The following ZNF782 variants were observed in gnomAD, a reference collection of about 807,000 sequenced individuals.
ZNF782 encodes the protein zinc finger protein 782.
In ZNF782, 12 loss-of-function variants were observed where a neutral mutation model predicts 13.0. The observed-to-expected ratio is 0.92, with a 90% CI of 0.59 to 1.50. ZNF782 has a LOEUF of 1.50. Ranked by LOEUF, ZNF782 falls within the 40% of genes most tolerant of loss-of-function variation. The pLI is 0.00. For synonymous variants in ZNF782, 284 were observed against 283.0 expected (o/e 1.00, Z -0.04); for missense variants, 770 against 822.9 (o/e 0.94, Z 0.79).
chr9:96,835,221 A>G, intron 4 of ZNF782, among the ~76,000 whole-genome samples: 1 of 152,210 alleles, frequency 6.6e-6, no homozygotes. Context: ...GGTTACTTTT[A>G]ACAGCTTATG....
intron 1 of ZNF782, 123 bp downstream of exon 1, chr9:96,853,965 A>G (rs1851581856): frequency 6.6e-6 from 1 of 152,268 alleles, no homozygotes; most frequent in African/African-American, 2.4e-5. Flanking sequence ...GTGGTGACTT[A>G]AAGTTTTAAA....
intron 1 of ZNF782, among the ~76,000 whole-genome samples, chr9:96,871,595 A>G (rs913804119): frequency 2.0e-5 from 3 of 152,216 alleles, no homozygotes; most frequent in African/African-American, 7.2e-5. Context: ...GCTACTCATA[A>G]GGCTTAAATG....
At chr9:96,862,464 A>G (rs1400764463) in intron 1 of ZNF782, among the ~76,000 whole-genome samples, 1 of 152,236 alleles carries the variant, frequency 6.6e-6, no homozygotes, top group East Asian at 1.9e-4. Context: ...GGCCTGTATC[A>G]AAATATTTTA....
At chr9:96,892,142 G>A in the ZNF782 span, 22 of 152,156 alleles carry the variant, frequency 1.4e-4, no homozygotes, top group African/African-American at 5.1e-4. Flanking sequence ...AAGCTGTCAT[G>A]ATAGAACACT....
the ZNF782 span, among the ~76,000 whole-genome samples, chr9:96,886,573 G>A: frequency 6.6e-6 from 1 of 152,172 alleles, no homozygotes; most frequent in Non-Finnish European, 1.5e-5. Flanking sequence ...AGTTACATAT[G>A]TGTATTGTTA....
the ZNF782 span, among the ~76,000 whole-genome samples, chr9:96,915,106 C>A: frequency 1.3e-5 from 2 of 151,790 alleles, no homozygotes; most frequent in Middle Eastern, 6.8e-3. Context: ...CTAATTATGC[C>A]AAGAAAATTC....
the ZNF782 span, among the ~76,000 whole-genome samples, chr9:96,883,054 C>T: frequency 6.6e-6 from 1 of 152,054 alleles, no homozygotes; most frequent in African/African-American, 2.4e-5. Flanking sequence ...CAGAATTCTG[C>T]AAGACAACAG....
chr9:96,826,191 C>A (rs1187536417), intron 5 of ZNF782, among the ~76,000 whole-genome samples: 2 of 152,070 alleles, frequency 1.3e-5, no homozygotes, highest in African/African-American at 4.8e-5. Context: ...AAATGTGGCA[C>A]ATATACACCA....
the ZNF782 span, among the ~76,000 whole-genome samples, chr9:96,911,889 G>C: frequency 6.6e-6 from 1 of 152,006 alleles, no homozygotes; most frequent in African/African-American, 2.4e-5. Context: ...ACTATAAGTA[G>C]TTGGTTTATA....
At chr9:96,847,044 A>G (rs1851360394) in intron 3 of ZNF782, among the ~76,000 whole-genome samples, 2 of 152,348 alleles carry the variant, frequency 1.3e-5, no homozygotes, top group South Asian at 2.1e-4. Context: ...GAACCTTTAA[A>G]ACTATAAAAA....
chr9:96,840,711 A>G (rs1851160802), intron 4 of ZNF782, among the ~76,000 whole-genome samples: 2 of 152,114 alleles, frequency 1.3e-5, no homozygotes, highest in South Asian at 2.1e-4. Context: ...CTAGACATAA[A>G]TAAGAGACAC....
At chr9:96,845,266 A>G (rs1479300983) in intron 3 of ZNF782, among the ~76,000 whole-genome samples, 1 of 152,216 alleles carries the variant, frequency 6.6e-6, no homozygotes, top group Non-Finnish European at 1.5e-5. Context: ...GAGGAAGCTT[A>G]GTACCCTTTT....
At chr9:96,845,177 A>G (rs1005793186) in intron 3 of ZNF782, among the ~76,000 whole-genome samples, 161 bp from the exon 4 acceptor site, 1 of 152,240 alleles carries the variant, frequency 6.6e-6, no homozygotes, top group African/African-American at 2.4e-5. Context: ...GAAATGCATA[A>G]TTAGCACACA....
At chr9:96,896,511 G>A in the ZNF782 span, among the ~76,000 whole-genome samples, 587 of 152,270 alleles carry the variant, frequency 3.9e-3, 7 homozygotes, top group African/African-American at 0.013. Context: ...TCACTTCAGC[G>A]AAATTTCTAG....
chr9:96,840,098 G>A (rs1351679289), intron 4 of ZNF782, among the ~76,000 whole-genome samples: 1 of 152,136 alleles, frequency 6.6e-6, no homozygotes. Flanking sequence ...TTTCTTAGCA[G>A]ATATGGTTGA....
the ZNF782 span, among the ~76,000 whole-genome samples, chr9:96,909,923 C>G: frequency 7.3e-5 from 11 of 150,964 alleles, no homozygotes; most frequent in South Asian, 2.3e-3. Context: ...TCCCGATTGG[C>G]TGCTCTGAAA....
chr9:96,905,089 C>T, the ZNF782 span, among the ~76,000 whole-genome samples: 17 of 147,512 alleles, frequency 1.2e-4, no homozygotes, highest in Admixed American at 1.1e-3. Context: ...GCAACTCCAT[C>T]TTGAATAGGA....
chr9:96,820,153 G>T (rs76798602), intron 5 of ZNF782, among the ~76,000 whole-genome samples: 1 of 152,130 alleles, frequency 6.6e-6, no homozygotes, highest in African/African-American at 2.4e-5. Flanking sequence ...CCAACATGAA[G>T]TAGATAACAA....
At chr9:96,862,252 A>G (rs998555063) in intron 1 of ZNF782, among the ~76,000 whole-genome samples, 1 of 152,208 alleles carries the variant, frequency 6.6e-6, no homozygotes, top group Non-Finnish European at 1.5e-5. Flanking sequence ...GTAAAGAGTA[A>G]TGGTTAATAG....
Sources: gnomAD v4.1 joint callset for allele counts (sites outside exome capture counted in the v4.1 genomes callset) on GRCh38, gnomAD v4.1.1 for gene constraint, MANE v1.5 for transcripts, NCBI Gene and HGNC (gene_info 2026-07-23, HGNC 2026-07-21) for gene names.